The following RCL1 variants were observed in gnomAD, a reference collection of about 807,000 sequenced individuals.
RCL1 encodes RNA 3'-terminal phosphate cyclase-like protein.
In RCL1, 24 loss-of-function variants were observed where a neutral mutation model predicts 42.4. The ratio of observed to expected loss-of-function variants is 0.57; its 90% confidence interval spans 0.41 to 0.80. RCL1 has a LOEUF of 0.80. Ranked by LOEUF, RCL1 falls within the 30% of genes least tolerant of loss-of-function variation. RCL1 has a pLI of 0.00. For synonymous variants in RCL1, 228 were observed against 177.3 expected, an observed-to-expected ratio of 1.29 and a Z score of -2.27; for missense variants, 578 against 467.9, an observed-to-expected ratio of 1.24 and a Z score of -2.17.
intron 5 of RCL1, among the ~76,000 whole-genome samples, chr9:4,836,052 A>G (rs1464348236): frequency 6.6e-6 from 1 of 152,120 alleles, no homozygotes; most frequent in Non-Finnish European, 1.5e-5. Context: ...GCGGGGTAGG[A>G]TAAGAGAGTG....
At chr9:4,798,154 C>T (rs1842943594) in intron 1 of RCL1, among the ~76,000 whole-genome samples, 1 of 152,218 alleles carries the variant, frequency 6.6e-6, no homozygotes, top group Non-Finnish European at 1.5e-5. Flanking sequence ...TGTTCTCTCT[C>T]ATTTCACAGC....
At chr9:4,854,166 C>G (rs1252024504) in intron 8 of RCL1, among the ~76,000 whole-genome samples, 1 of 152,158 alleles carries the variant, frequency 6.6e-6, no homozygotes, top group Non-Finnish European at 1.5e-5. Flanking sequence ...AGGTCACTGA[C>G]CTGCTTATGG....
chr9:4,807,129 G>C (rs771928626), intron 1 of RCL1, among the ~76,000 whole-genome samples: 1 of 152,134 alleles, frequency 6.6e-6, no homozygotes, highest in Non-Finnish European at 1.5e-5. Flanking sequence ...TTGTCTGTGG[G>C]GGCGTGGGGG....
chr9:4,798,030 T>G (rs957333357), intron 1 of RCL1, among the ~76,000 whole-genome samples: 4 of 152,220 alleles, frequency 2.6e-5, no homozygotes, highest in Non-Finnish European at 2.9e-5. Context: ...TTGCTGCTGT[T>G]TTACTCAAGG....
chr9:4,837,498 G>A (rs574628619), intron 5 of RCL1, among the ~76,000 whole-genome samples: 20 of 152,044 alleles, frequency 1.3e-4, no homozygotes, highest in African/African-American at 3.9e-4. Flanking sequence ...CTGTATTGGC[G>A]GCCGTGAACT....
rs1817643662 is a variant in RCL1 at position 4,849,497 on chromosome 9, C to T, written c.918C>T (p.Thr306=). ...TNQSLALLLM[T]LGQQDVSKVL... is the part of the protein sequence containing the mutation. The stretch of plus-strand genomic sequence containing the variant: ...AAAGCCTGGCGCTACTACTCATGAC[C>T]CTTGGACAGCAGGATGTTTCCAAAG... The change falls in exon 8 of 9, where the codon ACC becomes ACT. Residue 306 remains threonine, a synonymous_variant. Coordinates refer to ENST00000381750, the MANE Select transcript of RCL1 (RefSeq NM_005772.5). The T allele has an allele frequency of 5.0e-6, 8 of 1,613,932 alleles. No individual in the cohort carries two copies. Among genetic ancestry groups the T allele is most frequent in the Non-Finnish European group, 6.8e-6 (8 of 1,179,962 alleles).
intron 1 of RCL1, among the ~76,000 whole-genome samples, chr9:4,812,427 T>C (rs1188233392): frequency 6.6e-6 from 1 of 152,114 alleles, no homozygotes; most frequent in African/African-American, 2.4e-5. Context: ...CCATTATGTA[T>C]ATTTTTAAAT....
intron 2 of RCL1, among the ~76,000 whole-genome samples, chr9:4,823,991 C>G (rs368504695): frequency 1.3e-5 from 2 of 152,076 alleles, no homozygotes; most frequent in African/African-American, 4.8e-5. Context: ...TGAAGTCTCC[C>G]AATTTGAAGG....
chr9:4,854,614 A>G (rs1206098904), intron 8 of RCL1, among the ~76,000 whole-genome samples: 1 of 152,016 alleles, frequency 6.6e-6, no homozygotes, highest in African/African-American at 2.4e-5. Flanking sequence ...GCTTCAAAAG[A>G]GGGGTCTGGT....
intron 8 of RCL1, chr9:4,850,405 G>T: frequency 2.0e-6 from 1 of 512,140 alleles, no homozygotes. Context: ...GTTGAGGACT[G>T]CGGTGGGGCT....
At chr9:4,815,281 A>G (rs886806915) in intron 1 of RCL1, among the ~76,000 whole-genome samples, 2 of 152,048 alleles carry the variant, frequency 1.3e-5, no homozygotes, top group African/African-American at 4.8e-5. Context: ...TAAGTCTTGT[A>G]GGTGTTCTCA....
rs1001885111 is a variant in RCL1, at chr9:4,792,950, C to T, written c.-142C>T. 4.8e-6 allele frequency: 4 copies of T among 832,118 alleles called. No individual in the cohort carries two copies. Among genetic ancestry groups the T allele is most frequent in the Non-Finnish European group, 7.1e-6 (4 of 561,770 alleles). 51.5% of individuals were successfully genotyped at this position (832,118 alleles called of 1,614,324 possible). On this transcript the variant is annotated 5_prime_UTR_variant, in exon 1 of 9. The change creates a new upstream start codon in the 5' untranslated region. Transcript: ENST00000381750. ...CTCTCCGTCTTCCTGTTCCAAACCA[C>T]GTGGACGCGTCTGGGCTGCTGGAGG...
At chr9:4,837,684 T>C (rs1390954104) in intron 5 of RCL1, among the ~76,000 whole-genome samples, 1 of 152,174 alleles carries the variant, frequency 6.6e-6, no homozygotes, top group Non-Finnish European at 1.5e-5. Context: ...GGGAAGGGCT[T>C]TCCAGGGGAG....
At position 4,849,527 on chromosome 9, in the gene RCL1, G is replaced by C; in HGVS notation, c.948G>C (p.Leu316=). 2.5e-6 allele frequency: 4 copies of C among 1,613,526 alleles called. No individual in the cohort carries two copies. The highest frequency in any genetic ancestry group is 1.1e-5 in the South Asian group (1 of 91,064). The change falls in exon 8 of 9, where the codon CTG becomes CTC. Residue 316 remains leucine (L), a synonymous_variant. Coordinates refer to ENST00000381750, the MANE Select transcript of RCL1 (RefSeq NM_005772.5). ...TLGQQDVSKV[L]LGPLSPYTIE... Reference sequence around the variant, plus strand: ...GACAGCAGGATGTTTCCAAAGTCCTGCTAGGCCCTCTCTCTCCCTACACGT... The same window carrying C: ...GACAGCAGGATGTTTCCAAAGTCCTCCTAGGCCCTCTCTCTCCCTACACGT...
intron 8 of RCL1, among the ~76,000 whole-genome samples, chr9:4,859,047 C>G (rs1818065315): frequency 6.6e-6 from 1 of 152,122 alleles, no homozygotes; most frequent in Non-Finnish European, 1.5e-5. Context: ...GCAAGTTCAC[C>G]ATAACCTTCA....
At chr9:4,795,884 C>G (rs1367240920) in intron 1 of RCL1, among the ~76,000 whole-genome samples, 4 of 152,088 alleles carry the variant, frequency 2.6e-5, no homozygotes, top group Non-Finnish European at 5.9e-5. Context: ...TCTCATGGAG[C>G]TTGTCATGTA....
intron 2 of RCL1, among the ~76,000 whole-genome samples, chr9:4,823,886 TA>T (rs1816672716): frequency 6.6e-6 from 1 of 151,294 alleles, no homozygotes; most frequent in Admixed American, 6.6e-5. Context: ...TAGATCATAA[TA>T]AAAGCATATC....
At chr9:4,823,716 C>T in intron 2 of RCL1, 97 bp downstream of exon 2, 1 of 765,344 alleles carries the variant, frequency 1.3e-6, no homozygotes, top group Non-Finnish European at 2.2e-6. Context: ...TAGTCAGTCT[C>T]TGCTTATCCA....
At chr9:4,816,853 G>T (rs1217266238) in intron 1 of RCL1, among the ~76,000 whole-genome samples, 3 of 152,132 alleles carry the variant, frequency 2.0e-5, no homozygotes, top group Non-Finnish European at 4.4e-5. Context: ...GTCTCGCTCT[G>T]TCGTCCAGGC....
Sources: allele counts gnomAD v4.1 joint callset (sites outside exome capture counted in the v4.1 genomes callset), GRCh38; gene constraint gnomAD v4.1.1; transcripts MANE v1.5; gene names NCBI Gene and HGNC (gene_info 2026-07-23, HGNC 2026-07-21).